The following DDX19B variants were observed in gnomAD, a reference collection of about 807,000 sequenced individuals.
The protein encoded by DDX19B is ATP-dependent RNA helicase DDX19B.
DDX19B carries 27 observed loss-of-function variants against 58.1 expected under a neutral mutation model. The ratio of observed to expected loss-of-function variants is 0.46; its 90% CI spans 0.34 to 0.64. The LOEUF (loss-of-function observed/expected upper bound fraction) is 0.64. Among genes scored for constraint, DDX19B ranks in the 30% least tolerant of loss-of-function variants. The pLI, the probability that DDX19B is intolerant of heterozygous loss-of-function variation, is 0.01. For synonymous variants in DDX19B, 187 were observed against 214.4 expected (o/e 0.87, Z 1.12); for missense variants, 399 against 596.5 (o/e 0.67, Z 3.45).
intron 11 of DDX19B, 30 bp downstream of exon 11, chr16:70,333,189 C>A: frequency 6.9e-6 from 8 of 1,160,432 alleles, no homozygotes; most frequent in Admixed American, 2.4e-5. Flanking sequence ...CTGTGCCTGG[C>A]GCCCTTTGCT....
At position 70,333,996 on chromosome 16, in the gene DDX19B, A is replaced by C; in HGVS notation, c.*414A>C. ...AATGGAATAGTGGTGGAAAGGGAAC[A>C]CAGAGAGGGAGGCTTCCAGTAAGAT... On this transcript the variant is annotated 3_prime_UTR_variant, in exon 12 of 12. Coordinates refer to ENST00000288071, the MANE Select transcript of DDX19B (RefSeq NM_007242.7). 1 of 248,556 alleles carries C rather than the reference A, an allele frequency of 4.0e-6. No individual in the cohort carries two copies. Among genetic ancestry groups the C allele is most frequent in the Non-Finnish European group, 7.8e-6 (1 of 127,630 alleles). The allele number at this position is 248,556 out of a possible 1,614,324, so 15.4% of individuals were successfully genotyped here. A position where few individuals can be genotyped will look rare whatever the true frequency, so the allele number is the denominator to read the frequency against.
upstream of DDX19B, among the ~76,000 whole-genome samples, chr16:70,291,396 T>C (rs1031066372): frequency 3.9e-5 from 6 of 152,220 alleles, no homozygotes; most frequent in Admixed American, 2.0e-4. Flanking sequence ...CCAAAAGGTA[T>C]GTATGAATTG....
intron 2 of DDX19B, among the ~76,000 whole-genome samples, chr16:70,314,228 T>C (rs550773863): frequency 6.6e-6 from 1 of 152,216 alleles, no homozygotes; most frequent in African/African-American, 2.4e-5. Context: ...ACGATTTGCA[T>C]AGATATTCCT....
chr16:70,333,818 A>G lies in DDX19B; in HGVS notation c.*236A>G, dbSNP rs981105799. 4.9e-6 allele frequency: 3 copies of G among 617,136 alleles called. No individual in the cohort carries two copies. In the African/African-American group the frequency reaches 5.6e-5, roughly 11 times the overall value. The allele number at this position is 617,136 out of a possible 1,614,324, so 38.2% of individuals were successfully genotyped here. ...ATTAGGCATGAATACACAGAGATTT[A>G]CCTTTTGGAAGTTTCATCTTTTAAT... On this transcript the variant is annotated 3_prime_UTR_variant, in exon 12 of 12. Transcript: ENST00000288071.
chr16:70,309,817 C>CAAAAAAAAAAAA (rs61033553), intron 1 of DDX19B, among the ~76,000 whole-genome samples: 1 of 42,634 alleles, frequency 2.3e-5, no homozygotes, highest in Non-Finnish European at 3.7e-5. Flanking sequence ...GACTCCGTCT[C>CAAAAAAAAAAAA]AAAAAAAAAA....
chr16:70,320,376 T>G (rs1962704530), intron 5 of DDX19B, among the ~76,000 whole-genome samples: 1 of 149,728 alleles, frequency 6.7e-6, no homozygotes, highest in Non-Finnish European at 1.5e-5. Context: ...CCCCAGTTTT[T>G]TTTTTTTTTT....
chr16:70,323,787 C>G (rs890410335), intron 5 of DDX19B, among the ~76,000 whole-genome samples: 4 of 152,136 alleles, frequency 2.6e-5, no homozygotes, highest in African/African-American at 9.7e-5. Context: ...GCCACTCTTA[C>G]CCCCTACCCT....
chr16:70,317,404 G>C, intron 4 of DDX19B, 92 bp from the exon 5 acceptor site: 1 of 951,860 alleles, frequency 1.1e-6, no homozygotes, highest in South Asian at 1.5e-5. Context: ...AAAAAACTAT[G>C]TGTAAACAGT....
intron 5 of DDX19B, among the ~76,000 whole-genome samples, chr16:70,321,151 G>T (rs532191391): frequency 9.9e-5 from 15 of 151,814 alleles, no homozygotes; most frequent in African/African-American, 3.1e-4. Context: ...TAGTAGAGAT[G>T]GGGTTTCTCC....
At chr16:70,305,138 G>T (rs1364845778) in intron 1 of DDX19B, among the ~76,000 whole-genome samples, 1 of 152,158 alleles carries the variant, frequency 6.6e-6, no homozygotes. Flanking sequence ...TGTCTATTCT[G>T]ACCTTAACTA....
At chr16:70,294,811 C>A (rs1469015365), upstream of DDX19B, 3 of 1,445,632 alleles carry the variant, frequency 2.1e-6, no homozygotes, top group Admixed American at 5.3e-5. Context: ...CCAAGAGCAG[C>A]GGTTGTTGGA....
intron 1 of DDX19B, among the ~76,000 whole-genome samples, chr16:70,312,222 CTCT>C (rs1162487198): frequency 1.3e-5 from 2 of 152,022 alleles, no homozygotes; most frequent in East Asian, 1.9e-4. Context: ...TTTAAATTTC[CTCT>C]TGTTTGAAAT....
intron 4 of DDX19B, among the ~76,000 whole-genome samples, chr16:70,316,637 G>A (rs1024857330): frequency 3.9e-5 from 6 of 152,184 alleles, no homozygotes; most frequent in African/African-American, 7.2e-5. Flanking sequence ...GCAACATAGC[G>A]AGACCAGACT....
intron 9 of DDX19B, among the ~76,000 whole-genome samples, chr16:70,330,495 G>C (rs141028573): frequency 5.6e-4 from 86 of 152,282 alleles, no homozygotes; most frequent in African/African-American, 2.0e-3. Context: ...GGCTGAAGCA[G>C]GAGAATCGCT....
At position 70,299,344 on chromosome 16, in the gene DDX19B, C is replaced by T. The variant is rs778954155; in HGVS notation, c.47C>T (p.Ala16Val). The T allele has an allele frequency of 5.0e-6, 8 of 1,608,090 alleles. No individual in the cohort carries two copies. In the South Asian group the frequency reaches 7.8e-5, roughly 16 times the overall value. The change falls in exon 1 of 12, where the codon GCG becomes GTG. Residue 16 changes from alanine (A) to valine (V), a missense_variant. Coordinates refer to ENST00000288071, the MANE Select transcript of DDX19B (RefSeq NM_007242.7). ...CTGGCGGTGGACGAGCAGGAAGCTG[C>T]GGCTGAGTCGGTGAGTTGGCTTCAG... is the stretch of plus-strand genomic sequence containing the variant. ...WALAVDEQEA[A>V]AESLSNLHLK... is the part of the protein sequence containing the mutation.
Position 70,312,609 on chromosome 16 carries a change from T to C in DDX19B, c.58T>C (p.Leu20=), listed in dbSNP as rs1962148798. The change falls in exon 2 of 12, where the codon TTG becomes CTG. Residue 20 remains leucine (L), a splice_region_variant and synonymous_variant. Transcript: ENST00000288071. ...VDEQEAAAES[L]SNLHLKEEKI... is the part of the protein sequence containing the mutation. ...CCCCTCCCCCATATTCTCCATTTAG[T>C]TGAGCAACTTGCATCTTAAGGAAGA... is the stretch of plus-strand genomic sequence containing the variant. 1 of 1,613,188 alleles carries C rather than the reference T, an allele frequency of 6.2e-7. No homozygotes were observed. Among genetic ancestry groups the C allele is most frequent in the Non-Finnish European group, 8.5e-7 (1 of 1,179,454 alleles).
upstream of DDX19B, among the ~76,000 whole-genome samples, chr16:70,294,213 C>T (rs1489447432): frequency 6.6e-6 from 1 of 151,020 alleles, no homozygotes; most frequent in Non-Finnish European, 1.5e-5. Context: ...TTGCGAGTAG[C>T]TGGGACTACA....
At chr16:70,310,332 G>A (rs1040238085) in intron 1 of DDX19B, among the ~76,000 whole-genome samples, 17 of 150,800 alleles carry the variant, frequency 1.1e-4, no homozygotes, top group Non-Finnish European at 2.1e-4. Flanking sequence ...AGTGATCTGA[G>A]ATAACACCAC....
At chr16:70,332,819 C>A in intron 10 of DDX19B, 149 bp from the exon 11 acceptor site, 1 of 1,447,376 alleles carries the variant, frequency 6.9e-7, no homozygotes, top group Non-Finnish European at 9.5e-7. Flanking sequence ...CACGGCCTTT[C>A]AGATCTGGCT....
Sources: allele counts gnomAD v4.1 joint callset (sites outside exome capture counted in the v4.1 genomes callset), GRCh38; gene constraint gnomAD v4.1.1; transcripts MANE v1.5; gene names NCBI Gene and HGNC (gene_info 2026-07-23, HGNC 2026-07-21).